The following SRBD1 variants were observed in gnomAD, a reference collection of about 807,000 sequenced individuals.
The protein encoded by SRBD1 is S1 RNA binding domain 1.
SRBD1 carries 88 observed loss-of-function variants against 115.3 expected under a neutral mutation model. That is an observed-to-expected ratio of 0.76 (90% CI 0.64 to 0.91). The LOEUF (loss-of-function observed/expected upper bound fraction) is 0.91, where lower values mean the gene tolerates loss of function less well. Among genes scored for constraint, SRBD1 ranks in the 40% least tolerant of loss-of-function variants. The pLI, the probability that SRBD1 is intolerant of heterozygous loss-of-function variation, is 0.00. For missense variants in SRBD1, 1,385 were observed against 1,177.4 expected (o/e 1.18, Z -2.58); for synonymous variants, 509 against 407.7 (o/e 1.25, Z -2.99).
rs764875478 is a variant in SRBD1, at chr2:45,580,006, G to A, written c.941C>T (p.Pro314Leu). Residue 314 changes from proline (P) to leucine (L), a missense_variant, in exon 7 of 21, where the codon CCA (proline) becomes CTA (leucine). Transcript: ENST00000263736. The stretch of plus-strand genomic sequence containing the variant: ...AGTCCCTTTGCTTCCAGTTTTATAT[G>A]GAGCAGACTAGAAAATAAAGACAGA... ...TFEELEHVSA[P>L]YKTGSKGTKA... 1.3e-6 allele frequency: 2 copies of A among 1,547,234 alleles called. No individual in the cohort carries two copies. The highest frequency in any genetic ancestry group is 2.3e-5 in the East Asian group (1 of 43,468).
intron 14 of SRBD1, among the ~76,000 whole-genome samples, chr2:45,542,144 G>T (rs989491178): frequency 3.3e-5 from 5 of 152,198 alleles, no homozygotes; most frequent in Admixed American, 2.6e-4. Context: ...CCCCACCCCA[G>T]CCTCACTCCT....
chr2:45,470,924 C>T (rs1669629787), intron 16 of SRBD1, among the ~76,000 whole-genome samples: 1 of 152,090 alleles, frequency 6.6e-6, no homozygotes, highest in African/African-American at 2.4e-5. Flanking sequence ...GTTATTAAAC[C>T]AAAAGTATTT....
intron 16 of SRBD1, among the ~76,000 whole-genome samples, chr2:45,436,104 C>A (rs1287526010): frequency 2.0e-5 from 3 of 151,424 alleles, no homozygotes; most frequent in Non-Finnish European, 2.9e-5. Context: ...GTTCAACATT[C>A]AAAAAATCAA....
intron 14 of SRBD1, among the ~76,000 whole-genome samples, chr2:45,541,917 C>T (rs879294793): frequency 6.6e-6 from 1 of 152,228 alleles, no homozygotes; most frequent in Admixed American, 6.5e-5. Flanking sequence ...GAAAAAGTAC[C>T]ATAAGTTCAC....
chr2:45,501,337 C>A (rs914840540), intron 14 of SRBD1, among the ~76,000 whole-genome samples: 15 of 152,062 alleles, frequency 9.9e-5, no homozygotes, highest in African/African-American at 3.6e-4. Flanking sequence ...TCCAAGATGG[C>A]CAAATAGGAA....
chr2:45,585,151 G>GAA (rs532306209), intron 5 of SRBD1, among the ~76,000 whole-genome samples: 6 of 137,748 alleles, frequency 4.4e-5, no homozygotes, highest in African/African-American at 5.4e-5. Context: ...CTCTGTCTCC[G>GAA]AAAAAAAAAA....
At chr2:45,397,526 G>A (rs1667179893) in intron 19 of SRBD1, among the ~76,000 whole-genome samples, 1 of 152,178 alleles carries the variant, frequency 6.6e-6, no homozygotes. Flanking sequence ...AGGAGTGCTG[G>A]CTTCACCATA....
intron 14 of SRBD1, among the ~76,000 whole-genome samples, chr2:45,509,527 C>T (rs1044264056): frequency 1.1e-4 from 16 of 146,820 alleles, no homozygotes; most frequent in Admixed American, 2.1e-4. Flanking sequence ...ACCCAGGAGG[C>T]GGAGCTGGCA....
At chr2:45,448,826 G>A (rs555465235) in intron 16 of SRBD1, among the ~76,000 whole-genome samples, 1 of 151,728 alleles carries the variant, frequency 6.6e-6, no homozygotes, top group Admixed American at 6.6e-5. Flanking sequence ...TTCTCCTTAG[G>A]GGAAAAAAAG....
intron 15 of SRBD1, among the ~76,000 whole-genome samples, chr2:45,482,438 C>T (rs1669993479): frequency 6.6e-6 from 1 of 151,918 alleles, no homozygotes; most frequent in African/African-American, 2.4e-5. Flanking sequence ...TGCTATCGAA[C>T]CAATAACACA....
intron 14 of SRBD1, among the ~76,000 whole-genome samples, chr2:45,542,508 A>G (rs1671976947): frequency 6.6e-6 from 1 of 151,814 alleles, no homozygotes; most frequent in African/African-American, 2.4e-5. Flanking sequence ...CCAAGCCACA[A>G]CTCCCCTGCT....
chr2:45,602,676 G>A (rs576451190), intron 2 of SRBD1, among the ~76,000 whole-genome samples: 6 of 152,130 alleles, frequency 3.9e-5, no homozygotes, highest in African/African-American at 9.6e-5. Flanking sequence ...TTCTAACAAC[G>A]AAGAATCAAA....
At chr2:45,479,690 G>C (rs888946133) in intron 15 of SRBD1, among the ~76,000 whole-genome samples, 9 of 152,220 alleles carry the variant, frequency 5.9e-5, no homozygotes, top group African/African-American at 2.2e-4. Context: ...AATTGCTGAT[G>C]TAGAAGCTGT....
At chr2:45,421,192 T>A (rs1007487584) in intron 16 of SRBD1, among the ~76,000 whole-genome samples, 2 of 152,110 alleles carry the variant, frequency 1.3e-5, no homozygotes, top group African/African-American at 4.8e-5. Context: ...GTAAGCTGCA[T>A]TCTGATTTCA....
chr2:45,547,561 C>T lies in SRBD1; in HGVS notation c.1727G>A (p.Arg576Gln), dbSNP rs758362125. 8.7e-6 allele frequency: 14 copies of T among 1,613,592 alleles called. No homozygotes were observed. Among genetic ancestry groups the T allele is most frequent in the African/African-American group, 4.0e-5 (3 of 74,866 alleles). The change falls in exon 13 of 21, where the codon CGA (arginine) becomes CAA (glutamine). Residue 576 changes from arginine (R) to glutamine (Q), a missense_variant. By Grantham distance (43) the Arg-to-Gln change is conservative. Transcript: ENST00000263736. ...AAGTGTCTTTATTTTCTCCGCCTCT[C>T]GGAAGCCTTGTCCACAATGCAAGTA... ...VVYLHCGQGF[R>Q]EAEKIKTLLL... is the part of the protein sequence containing the mutation.
chr2:45,490,444 C>G (rs1319404839), intron 14 of SRBD1, among the ~76,000 whole-genome samples: 1 of 152,136 alleles, frequency 6.6e-6, no homozygotes, highest in Non-Finnish European at 1.5e-5. Context: ...TAGCCACCAC[C>G]TATGGAAAAT....
chr2:45,424,829 G>A (rs899404852), intron 16 of SRBD1, among the ~76,000 whole-genome samples: 50 of 152,136 alleles, frequency 3.3e-4, no homozygotes, highest in African/African-American at 1.2e-3. Flanking sequence ...TGAAATGTGA[G>A]GGTAAATCTG....
chr2:45,577,304 T>C (rs1422261750), intron 7 of SRBD1, among the ~76,000 whole-genome samples: 4 of 152,218 alleles, frequency 2.6e-5, no homozygotes, highest in Non-Finnish European at 5.9e-5. Context: ...ATCTTGTGGG[T>C]TTAATACAGC....
intron 19 of SRBD1, among the ~76,000 whole-genome samples, chr2:45,403,345 A>G (rs1355525808): frequency 6.6e-6 from 1 of 152,046 alleles, no homozygotes; most frequent in Non-Finnish European, 1.5e-5. Flanking sequence ...AAAAAAATAC[A>G]TGAATTAAAG....
Sources: allele counts gnomAD v4.1 joint callset (sites outside exome capture counted in the v4.1 genomes callset), GRCh38; gene constraint gnomAD v4.1.1; transcripts MANE v1.5; gene names NCBI Gene and HGNC (gene_info 2026-07-23, HGNC 2026-07-21).